Variants in CFAP54 observed in about 807,000 individuals in gnomAD.
CFAP54 encodes the protein cilia- and flagella-associated protein 54.
A neutral mutation model predicts 370.4 loss-of-function variants in CFAP54; 290 were observed. The ratio of observed to expected loss-of-function variants is 0.78; its 90% confidence interval spans 0.71 to 0.86. The LOEUF is 0.86. Ranked by LOEUF, CFAP54 falls within the 40% of genes least tolerant of loss-of-function variation. The pLI, the probability that CFAP54 is intolerant of heterozygous loss-of-function variation, is 0.00. For missense variants in CFAP54, 3,399 were observed against 3,528.7 expected (o/e 0.96, Z 0.93); for synonymous variants, 1,206 against 1,236.5 (o/e 0.98, Z 0.52).
At position 96,533,807 on chromosome 12, in the gene CFAP54, C is replaced by T. The variant is rs536361309; in HGVS notation, c.1373C>T (p.Ala458Val). Residue 458 changes from alanine to valine, a missense_variant, in exon 10 of 68, where the codon GCA (alanine) becomes GTA (valine). Coordinates refer to ENST00000524981, the MANE Select transcript of CFAP54 (RefSeq NM_001306084.2). ...CCTTTCCTAGTGTCAAATATTGGTG[C>T]AGATGGAATGCTTGATTTTCCAAAA... ...KELLIMSNIG[A>V]DGMLDFPKTS... The T allele has an allele frequency of 2.2e-4, 334 of 1,521,940 alleles. 2 individuals are homozygous for T. The South Asian group carries it at 4.0e-3, about 18-fold the overall frequency. 94.3% of individuals were successfully genotyped at this position (1,521,940 alleles called of 1,614,324 possible). A position where few individuals can be genotyped will look rare whatever the true frequency, so the allele number is the denominator to read the frequency against.
intron 5 of CFAP54, among the ~76,000 whole-genome samples, chr12:96,514,127 C>A (rs77743676): frequency 0.017 from 2,571 of 152,242 alleles, 79 homozygotes; most frequent in African/African-American, 0.059. Flanking sequence ...CCCGTTGAGA[C>A]CCTGCTTGAG....
At chr12:96,874,161 C>A (rs1729683018) in intron 67 of CFAP54, among the ~76,000 whole-genome samples, 1 of 152,144 alleles carries the variant, frequency 6.6e-6, no homozygotes, top group South Asian at 2.1e-4. Flanking sequence ...TTAACATGAT[C>A]AAAATCCTCT....
intron 13 of CFAP54, among the ~76,000 whole-genome samples, chr12:96,539,406 G>C (rs116450156): frequency 0.013 from 1,961 of 152,114 alleles, 60 homozygotes; most frequent in African/African-American, 0.046. Context: ...AGGCACAGGG[G>C]CTGACACCTG....
intron 15 of CFAP54, among the ~76,000 whole-genome samples, chr12:96,549,512 T>G (rs1955673061): frequency 6.6e-6 from 1 of 152,200 alleles, no homozygotes; most frequent in South Asian, 2.1e-4. Flanking sequence ...CCTAAAGTTA[T>G]GCAATACACA....
At chr12:96,549,075 C>G (rs1955668789) in intron 15 of CFAP54, among the ~76,000 whole-genome samples, 2 of 152,126 alleles carry the variant, frequency 1.3e-5, no homozygotes, top group Admixed American at 1.3e-4. Flanking sequence ...AGGATGGTCT[C>G]GATCTCCTGA....
intron 13 of CFAP54, among the ~76,000 whole-genome samples, chr12:96,539,443 G>A (rs1955546884): frequency 1.3e-5 from 2 of 152,012 alleles, no homozygotes; most frequent in Non-Finnish European, 2.9e-5. Flanking sequence ...GGAGGCTGAG[G>A]CAGGTGGATC....
chr12:96,540,938 A>T lies in CFAP54; in HGVS notation c.2028A>T (p.Glu676Asp). ...VVAEVTLRLSEILESLGSPGR... is the reference protein window; with the variant it reads ...VVAEVTLRLSDILESLGSPGR... ...CAGAAGTCACATTACGGTTAAGTGA[A>T]ATATTGGAATCTTTAGGAAGCCCAG... The change falls in exon 14 of 68, where the codon GAA becomes GAT. Residue 676 changes from glutamate to aspartate, a missense_variant. Around this residue, in one of 3 missense-constraint regions of CFAP54, gnomAD observed 2,796 missense variants for 2,869.7 expected, o/e 0.97. Coordinates refer to ENST00000524981, the MANE Select transcript of CFAP54 (RefSeq NM_001306084.2). The T allele has an allele frequency of 6.6e-7, 1 of 1,519,062 alleles. No homozygotes were observed. The highest frequency in any genetic ancestry group is 8.8e-7 in the Non-Finnish European group (1 of 1,140,574). 94.1% of individuals were successfully genotyped at this position (1,519,062 alleles called of 1,614,324 possible). A position where few individuals can be genotyped will look rare whatever the true frequency, so the allele number is the denominator to read the frequency against.
intron 42 of CFAP54, among the ~76,000 whole-genome samples, chr12:96,685,586 C>G (rs1957321002): frequency 6.6e-6 from 1 of 151,450 alleles, no homozygotes; most frequent in Admixed American, 6.6e-5. Context: ...GAGTCTCACT[C>G]TGTTGCCCTG....
rs534947900 is a variant in CFAP54 at position 96,715,109 on chromosome 12, G to A, written c.6725-3334G>A. 4.6e-5 allele frequency among the ~76,000 whole-genome samples: 7 copies of A among 152,322 alleles called. No homozygotes were observed. In the South Asian group the frequency reaches 8.3e-4, roughly 18 times the overall value. On this transcript the variant is annotated intron_variant, in intron 48 of 67. Transcript: ENST00000524981. ...GGAATAGGAAACAAAGACATCAACC[G>A]AGTGAGAAGCAGGGAGAAAGTGTTG...
intron 42 of CFAP54, among the ~76,000 whole-genome samples, chr12:96,687,003 A>T (rs1456687784): frequency 6.6e-6 from 1 of 152,122 alleles, no homozygotes; most frequent in Non-Finnish European, 1.5e-5. Context: ...TCCTGGTGAG[A>T]AGCTGCTTCC....
In CFAP54 at chr12:96,552,045, G is replaced by A. The variant is rs373599905; in HGVS notation, c.2155-2137G>A. On this transcript the variant is annotated intron_variant, in intron 15 of 67. Coordinates refer to ENST00000524981, the MANE Select transcript of CFAP54 (RefSeq NM_001306084.2). Reference sequence around the variant, plus strand: ...GTGGATCACCTGAGGTCAGGAGTTCGAGACAAGCCTGACCAACATGGAGAA... The same window carrying A: ...GTGGATCACCTGAGGTCAGGAGTTCAAGACAAGCCTGACCAACATGGAGAA... 1.7e-4 allele frequency among the ~76,000 whole-genome samples: 26 copies of A among 152,062 alleles called. 1 individual carries two copies. The East Asian group carries it at 2.7e-3, about 16-fold the overall frequency.
intron 55 of CFAP54, among the ~76,000 whole-genome samples, chr12:96,747,746 T>C (rs1565963515): frequency 6.6e-6 from 1 of 152,354 alleles, no homozygotes; most frequent in East Asian, 1.9e-4. Context: ...TTAGACTTCA[T>C]GCCTTATCTG....
chr12:96,608,214 A>G (rs1024574155), intron 26 of CFAP54, among the ~76,000 whole-genome samples: 1 of 152,042 alleles, frequency 6.6e-6, no homozygotes, highest in African/African-American at 2.4e-5. Flanking sequence ...AGTAACCTTG[A>G]CCTAAAACTT....
rs1957385741 is a variant in CFAP54 at position 96,691,316 on chromosome 12, T to C, written c.6264+6T>C. Reference sequence around the variant, plus strand: ...TTGTTAGGCAAAACCTAATAGTAAGTAATTTGTAAAATAAAAATTATATAT... The same window carrying C: ...TTGTTAGGCAAAACCTAATAGTAAGCAATTTGTAAAATAAAAATTATATAT... On this transcript the variant is annotated splice_donor_region_variant and intron_variant, in intron 44 of 67. Coordinates refer to ENST00000524981, the MANE Select transcript of CFAP54 (RefSeq NM_001306084.2). 1 of 1,562,590 alleles carries C rather than the reference T, an allele frequency of 6.4e-7. No homozygotes were observed. The highest frequency in any genetic ancestry group is 1.4e-5 in the African/African-American group (1 of 72,272).
Position 96,871,812 on chromosome 12 carries a change from A to T in CFAP54, c.*15-3306A>T, listed in dbSNP as rs139634369. On this transcript the variant is annotated intron_variant, in intron 67 of 67. Coordinates refer to ENST00000524981, the MANE Select transcript of CFAP54 (RefSeq NM_001306084.2). ...AATTAGGTGCTACAGAATTTTTTTT[A>T]AAAAATAGTACACTTCTGGACAGAT... Among the ~76,000 whole-genome samples the T allele has an allele frequency of 9.8e-4, 149 of 152,242 alleles. 1 individual carries two copies. The highest frequency in any genetic ancestry group is 2.3e-3 in the African/African-American group (94 of 41,568).
intron 45 of CFAP54, among the ~76,000 whole-genome samples, chr12:96,698,521 A>G (rs372917876): frequency 2.0e-5 from 3 of 152,214 alleles, no homozygotes; most frequent in Admixed American, 2.0e-4. Context: ...TGTCCTTTGC[A>G]GCAACCTGCA....
At chr12:96,717,799 T>G (rs980120590) in intron 48 of CFAP54, among the ~76,000 whole-genome samples, 9 of 152,196 alleles carry the variant, frequency 5.9e-5, no homozygotes, top group African/African-American at 2.2e-4. Flanking sequence ...GGAAGAGGGC[T>G]TTCAGGAGTC....
intron 1 of CFAP54, among the ~76,000 whole-genome samples, chr12:96,493,149 A>C (rs992101136): frequency 6.6e-6 from 1 of 152,262 alleles, no homozygotes; most frequent in African/African-American, 2.4e-5. Context: ...ATGTGCCTTA[A>C]CAGTCCAACC....
Position 96,585,425 on chromosome 12 carries a change from A to G in CFAP54, c.3076-4002A>G, listed in dbSNP as rs531616918. Among the ~76,000 whole-genome samples, 7 of 152,302 alleles carry G rather than the reference A, an allele frequency of 4.6e-5. No individual in the cohort carries two copies. The South Asian group carries it at 1.2e-3, about 27-fold the overall frequency. Reference sequence around the variant, plus strand: ...CCTTCTGCAAATGCTCTTCCCCCAGAGAGCCATTCCCTCATCTCCTTCAAG... The same window carrying G: ...CCTTCTGCAAATGCTCTTCCCCCAGGGAGCCATTCCCTCATCTCCTTCAAG... On this transcript the variant is annotated intron_variant, in intron 22 of 67. Transcript: ENST00000524981.
Sources: gnomAD v4.1 joint callset for allele counts (sites outside exome capture counted in the v4.1 genomes callset) on GRCh38, gnomAD v4.1.1 for gene constraint, gnomAD v4.1.1 regional missense constraint, MANE v1.5 for transcripts, NCBI Gene and HGNC (gene_info 2026-07-23, HGNC 2026-07-21) for gene names.